The following SGCE variants were observed in gnomAD, a reference collection of about 807,000 sequenced individuals.
SGCE encodes the protein sarcoglycan epsilon, also known as epsilon-sarcoglycan.
A neutral mutation model predicts 57.8 loss-of-function variants in SGCE; 26 were observed. The ratio of observed to expected loss-of-function variants is 0.45; its 90% CI spans 0.33 to 0.62. The LOEUF is 0.62. Among genes scored for constraint, SGCE ranks in the 20% least tolerant of loss-of-function variants. The pLI is 0.02. For missense variants in SGCE, 468 were observed against 548.6 expected (o/e 0.85, Z 1.47); for synonymous variants, 183 against 189.5 (o/e 0.97, Z 0.28).
At chr7:94,644,020 G>A (rs1375225756) in intron 1 of SGCE, among the ~76,000 whole-genome samples, 1 of 152,190 alleles carries the variant, frequency 6.6e-6, no homozygotes, top group African/African-American at 2.4e-5. Context: ...TTAAAAGGAA[G>A]AGAACGCCAC....
At chr7:94,601,608 T>G (rs186207922) in intron 6 of SGCE, among the ~76,000 whole-genome samples, 172 of 152,244 alleles carry the variant, frequency 1.1e-3, no homozygotes, top group African/African-American at 3.9e-3. Context: ...CTACTACATT[T>G]GCTACTAAAA....
chr7:94,656,019 G>C lies in SGCE; in HGVS notation c.80C>G (p.Pro27Arg). Residue 27 changes from proline (P) to arginine (R), a missense_variant, in exon 1 of 11, where the codon CCC becomes CGC. Coordinates refer to ENST00000648936, the MANE Select transcript of SGCE (RefSeq NM_003919.3). ...GQGRGTRRMS[P>R]ATTGTFLLTV... ...CAGCAAGAATGTGCCAGTGGTCGCGGGGCTCATCCTGCGTGTCCCCCGACC... is the reference window on the plus strand; with the variant it reads ...CAGCAAGAATGTGCCAGTGGTCGCGCGGCTCATCCTGCGTGTCCCCCGACC... The C allele has an allele frequency of 6.2e-7, 1 of 1,612,532 alleles. No homozygotes were observed.
chr7:94,638,184 A>G (rs1356045815), intron 1 of SGCE, among the ~76,000 whole-genome samples: 1 of 152,198 alleles, frequency 6.6e-6, no homozygotes, highest in Non-Finnish European at 1.5e-5. Flanking sequence ...AATTTTTGTG[A>G]TCTTTTCATG....
chr7:94,596,995 C>G (rs537729154), intron 9 of SGCE, among the ~76,000 whole-genome samples: 1 of 152,062 alleles, frequency 6.6e-6, no homozygotes, highest in African/African-American at 2.4e-5. Flanking sequence ...TTGTTAAATT[C>G]TGAATTATTA....
At chr7:94,601,701 C>A (rs1441587122) in intron 6 of SGCE, among the ~76,000 whole-genome samples, 1 of 152,026 alleles carries the variant, frequency 6.6e-6, no homozygotes, top group African/African-American at 2.4e-5. Context: ...GTTAATAATA[C>A]AGTGTTAGTA....
rs764483578 is a variant in SGCE at position 94,600,774 on chromosome 7, G to A, written c.909C>T (p.Pro303=). 3.1e-6 allele frequency: 5 copies of A among 1,613,470 alleles called. No individual in the cohort carries two copies. The highest frequency in any genetic ancestry group is 3.3e-5 in the Admixed American group (2 of 59,910). Residue 303 remains proline, a synonymous_variant, in exon 7 of 11, where the codon CCC becomes CCT. Coordinates refer to ENST00000648936, the MANE Select transcript of SGCE (RefSeq NM_003919.3). ...CTCTGCTTTTCAAAGAATCAGAAGG[G>A]GGTTTGTATTCTCCACCATCAGGTA... ...GILPDGGEYK[P]PSDSLKSRDY... is the part of the protein sequence containing the mutation.
At chr7:94,632,703 G>C (rs1413619517) in intron 1 of SGCE, among the ~76,000 whole-genome samples, 1 of 152,106 alleles carries the variant, frequency 6.6e-6, no homozygotes, top group Non-Finnish European at 1.5e-5. Context: ...TTTTAGAGGA[G>C]TGCCCTTTGC....
intron 1 of SGCE, among the ~76,000 whole-genome samples, chr7:94,642,961 G>A (rs574503815): frequency 2.1e-4 from 32 of 152,270 alleles, no homozygotes; most frequent in African/African-American, 6.0e-4. Context: ...GCATAATGAA[G>A]TAAATCCTGC....
In SGCE at chr7:94,618,774, T is replaced by C. The variant is rs2116880651; in HGVS notation, c.646A>G (p.Asn216Asp). Residue 216 changes from asparagine (N) to aspartate (D), a missense_variant, in exon 5 of 11, where the codon AAT becomes GAT. Asn to Asp is a conservative substitution (Grantham distance 23). Coordinates refer to ENST00000648936, the MANE Select transcript of SGCE (RefSeq NM_003919.3). ...TCTGCTTACCCCTCCTTCAGGTCAT[T>C]AATGGGAAGTGGCACCCTGCCACCC... The part of the protein sequence containing the change: ...DRGGRVPLPI[N>D]DLKEGVYVMV... 1 of 1,613,934 alleles carries C rather than the reference T, an allele frequency of 6.2e-7. No homozygotes were observed. Among genetic ancestry groups the C allele is most frequent in the Non-Finnish European group, 8.5e-7 (1 of 1,179,854 alleles).
chr7:94,633,439 A>T (rs904958872), intron 1 of SGCE, among the ~76,000 whole-genome samples: 11 of 152,134 alleles, frequency 7.2e-5, no homozygotes, highest in African/African-American at 2.4e-4. Flanking sequence ...AGCTGGGATC[A>T]TTATCTCGCT....
At chr7:94,630,149 AT>A (rs1804462212) in intron 1 of SGCE, among the ~76,000 whole-genome samples, 1 of 151,914 alleles carries the variant, frequency 6.6e-6, no homozygotes, top group Non-Finnish European at 1.5e-5. Flanking sequence ...CTTTTTGGTA[AT>A]TTCTTTTTAC....
intron 9 of SGCE, among the ~76,000 whole-genome samples, chr7:94,594,044 G>C (rs757237816): frequency 6.6e-6 from 1 of 152,014 alleles, no homozygotes; most frequent in Non-Finnish European, 1.5e-5. Flanking sequence ...CGTGGTTTGG[G>C]AACAAGGCTA....
intron 1 of SGCE, chr7:94,641,056 G>C (rs1357653872): frequency 6.6e-6 from 1 of 152,330 alleles, no homozygotes; most frequent in Non-Finnish European, 1.5e-5. Context: ...ATCAAAAGCA[G>C]AGGATGATTC....
chr7:94,599,844 C>T lies in SGCE; in HGVS notation c.1038-121G>A, dbSNP rs2116686520. On this transcript the variant is annotated intron_variant, in intron 7 of 10. Coordinates refer to ENST00000648936, the MANE Select transcript of SGCE (RefSeq NM_003919.3). ...CTGACATTGTCACTATTAAATGCAA[C>T]CAGGCAGCATTTGCCACCAGGTTTA... 5 of 783,186 alleles carry T rather than the reference C, an allele frequency of 6.4e-6. No homozygotes were observed. The South Asian group carries it at 7.2e-5, about 11-fold the overall frequency. The allele number at this position is 783,186 out of a possible 1,614,324, so 48.5% of individuals were successfully genotyped here.
chr7:94,599,095 A>G, intron 8 of SGCE, 132 bp from the exon 9 acceptor site: 2 of 648,502 alleles, frequency 3.1e-6, no homozygotes, highest in African/African-American at 1.8e-5. Flanking sequence ...TGGGCATTCA[A>G]TAAACTATTT....
chr7:94,623,754 T>C, intron 3 of SGCE: 1 of 393,572 alleles, frequency 2.5e-6, no homozygotes, highest in East Asian at 3.6e-5. Flanking sequence ...AAAACAATAA[T>C]TTTTGTACTT....
At chr7:94,642,407 G>A (rs1806518162) in intron 1 of SGCE, among the ~76,000 whole-genome samples, 1 of 152,138 alleles carries the variant, frequency 6.6e-6, no homozygotes, top group Non-Finnish European at 1.5e-5. Context: ...TGATGGCTAT[G>A]TTCCAAAAGC....
At chr7:94,641,643 T>G (rs138902570) in intron 1 of SGCE, among the ~76,000 whole-genome samples, 26 of 152,216 alleles carry the variant, frequency 1.7e-4, no homozygotes, top group African/African-American at 4.3e-4. Context: ...AAACTTAACT[T>G]TAAAAGAGCT....
intron 10 of SGCE, among the ~76,000 whole-genome samples, chr7:94,586,243 G>A (rs940697361): frequency 1.3e-5 from 2 of 152,042 alleles, no homozygotes; most frequent in African/African-American, 4.8e-5. Flanking sequence ...GAAAACTCCA[G>A]TTACTGTTTG....
Sources: allele counts gnomAD v4.1 joint callset (sites outside exome capture counted in the v4.1 genomes callset), GRCh38; gene constraint gnomAD v4.1.1; transcripts MANE v1.5; gene names NCBI Gene and HGNC (gene_info 2026-07-23, HGNC 2026-07-21).